The following PSMG2 variants were observed in gnomAD, a reference collection of about 807,000 sequenced individuals.
PSMG2 encodes proteasome assembly chaperone 2.
A neutral mutation model predicts 31.5 loss-of-function variants in PSMG2; 21 were observed. That is an observed-to-expected ratio of 0.67 (90% CI 0.47 to 0.96). The LOEUF (loss-of-function observed/expected upper bound fraction) is 0.96. PSMG2 is among the 40% of genes least tolerant of loss of function. The pLI, the probability that PSMG2 is intolerant of heterozygous loss-of-function variation, is 0.00. For missense variants in PSMG2, 318 were observed against 321.2 expected, an observed-to-expected ratio of 0.99 and a Z score of 0.08; for synonymous variants, 120 against 110.4, an observed-to-expected ratio of 1.09 and a Z score of -0.54.
chr18:12,702,386 G>C, upstream of PSMG2: 1 of 891,970 alleles, frequency 1.1e-6, no homozygotes, highest in Non-Finnish European at 1.8e-6. Flanking sequence ...CCTCGCTACA[G>C]TCCCGGCAAG....
At chr18:12,659,407 C>T (rs376314477) in intron 1 of PSMG2, among the ~76,000 whole-genome samples, 10 of 152,272 alleles carry the variant, frequency 6.6e-5, no homozygotes, top group African/African-American at 2.4e-4. Flanking sequence ...GTGGCTTAGG[C>T]CTGTAATCCC....
Position 12,720,516 on chromosome 18 carries a change from C to T in PSMG2, c.414C>T (p.Pro138=), listed in dbSNP as rs1165676339. The change falls in exon 5 of 7, where the codon CCC becomes CCT. Residue 138 remains proline (P), a synonymous_variant. Transcript: ENST00000317615. The part of the protein sequence containing the change: ...QRNDLQLRST[P]FRYLLTPSMQ... ...ACTATATGATTATTTCTAGTACTCC[C>T]TTCCGGTACCTACTTACACCTTCCA... 3 of 1,594,026 alleles carry T rather than the reference C, an allele frequency of 1.9e-6. No homozygotes were observed. Among genetic ancestry groups the T allele is most frequent in the Non-Finnish European group, 1.7e-6 (2 of 1,172,184 alleles).
intron 1 of PSMG2, among the ~76,000 whole-genome samples, chr18:12,694,682 A>G (rs1212744417): frequency 2.0e-5 from 3 of 151,462 alleles, no homozygotes; most frequent in Admixed American, 6.6e-5. Context: ...TTACTCTTTG[A>G]TCTTCTTCAG....
chr18:12,695,237 A>T, intron 1 of PSMG2: 2 of 1,136,212 alleles, frequency 1.8e-6, no homozygotes, highest in Non-Finnish European at 2.5e-6. Context: ...AAAAAAGAGA[A>T]ACTCATAAGT....
At chr18:12,660,782 T>C (rs1360880150) in intron 1 of PSMG2, among the ~76,000 whole-genome samples, 1 of 152,134 alleles carries the variant, frequency 6.6e-6, no homozygotes, top group African/African-American at 2.4e-5. Context: ...AAGTAACAAT[T>C]CATGGTATGA....
chr18:12,673,164 T>C, intron 1 of PSMG2: 1 of 1,215,004 alleles, frequency 8.2e-7, no homozygotes, highest in Non-Finnish European at 1.0e-6. Context: ...TCCAGGGAGA[T>C]TTATACAAGT....
At chr18:12,713,326 G>A (rs887433843) in intron 3 of PSMG2, among the ~76,000 whole-genome samples, 8 of 152,130 alleles carry the variant, frequency 5.3e-5, no homozygotes, top group African/African-American at 1.9e-4. Context: ...CTCGCTTCCT[G>A]ATGCACTGTG....
chr18:12,674,636 C>G, intron 1 of PSMG2: 1 of 1,613,904 alleles, frequency 6.2e-7, no homozygotes, highest in Non-Finnish European at 8.5e-7. Context: ...CTTATGGCAT[C>G]TTGAAATTCT....
chr18:12,688,242 A>C (rs993067162), intron 1 of PSMG2, among the ~76,000 whole-genome samples: 52 of 152,004 alleles, frequency 3.4e-4, no homozygotes, highest in African/African-American at 7.2e-4. Context: ...AAAAAAAAAA[A>C]AAAAACAAAA....
At chr18:12,706,743 A>G (rs377438507) in intron 2 of PSMG2, 22 bp downstream of exon 2, 3 of 1,566,440 alleles carry the variant, frequency 1.9e-6, no homozygotes, top group Non-Finnish European at 2.6e-6. Flanking sequence ...TTTACCTTGT[A>G]TTTTTCCACT....
At chr18:12,720,371 A>G in intron 4 of PSMG2, 139 bp from the exon 5 acceptor site, 1 of 651,052 alleles carries the variant, frequency 1.5e-6, no homozygotes, top group East Asian at 2.9e-5. Context: ...AGCAAATCAG[A>G]GCAATATTTT....
intron 1 of PSMG2, among the ~76,000 whole-genome samples, chr18:12,660,256 T>G (rs1207450920): frequency 6.6e-6 from 1 of 151,864 alleles, no homozygotes; most frequent in African/African-American, 2.4e-5. Context: ...AAATCCAAAC[T>G]TTATCTTTTA....
chr18:12,664,822 C>CTG (rs1443056177), intron 1 of PSMG2, among the ~76,000 whole-genome samples: 1 of 151,712 alleles, frequency 6.6e-6, no homozygotes. Flanking sequence ...CCTCAGCCTC[C>CTG]TGAGTAGCTA....
intron 1 of PSMG2, chr18:12,697,222 C>T (rs768783235): frequency 5.6e-6 from 9 of 1,607,296 alleles, no homozygotes; most frequent in South Asian, 3.3e-5. Context: ...AATCACCATA[C>T]CTACACCCAT....
intron 1 of PSMG2, among the ~76,000 whole-genome samples, chr18:12,661,016 T>C (rs1299521228): frequency 2.0e-5 from 3 of 152,218 alleles, no homozygotes; most frequent in Non-Finnish European, 4.4e-5. Flanking sequence ...CCTTAAAGTT[T>C]TGATAAGCTG....
rs568459155 is a variant in PSMG2 at position 12,705,428 on chromosome 18, G to C, written c.58-1122G>C. On this transcript the variant is annotated intron_variant, in intron 1 of 6. Transcript: ENST00000317615. ...AAAAGTTTATAGTTTTGGACATGTG[G>C]AATGTGAGTTTCCTGTGACCTAACC... Among the ~76,000 whole-genome samples the C allele has an allele frequency of 7.6e-3, 1,150 of 152,162 alleles. 12 individuals carry two copies. The highest frequency in any genetic ancestry group is 0.026 in the African/African-American group (1,080 of 41,488).
chr18:12,672,227 G>A (rs147062966), intron 1 of PSMG2, among the ~76,000 whole-genome samples: 1 of 151,228 alleles, frequency 6.6e-6, no homozygotes, highest in African/African-American at 2.4e-5. Context: ...CGATTCTCCT[G>A]CCTCAGCCTC....
intron 1 of PSMG2, chr18:12,678,343 C>G (rs958174060): frequency 1.9e-6 from 3 of 1,613,994 alleles, no homozygotes; most frequent in African/African-American, 2.7e-5. Context: ...CCAGGAACAT[C>G]TGATGGTTGA....
chr18:12,675,558 A>G (rs906069463), intron 1 of PSMG2, among the ~76,000 whole-genome samples: 3 of 152,220 alleles, frequency 2.0e-5, no homozygotes, highest in African/African-American at 7.2e-5. Context: ...TGTACTCTAT[A>G]AAACTTATAT....
Sources: gnomAD v4.1 joint callset for allele counts (sites outside exome capture counted in the v4.1 genomes callset) on GRCh38, gnomAD v4.1.1 for gene constraint, MANE v1.5 for transcripts, NCBI Gene and HGNC (gene_info 2026-07-23, HGNC 2026-07-21) for gene names.